The following KCNK2 variants were observed in gnomAD, a reference collection of about 807,000 sequenced individuals.
KCNK2 encodes the protein potassium two pore domain channel subfamily K member 2.
KCNK2 carries 21 observed loss-of-function variants against 40.5 expected under a neutral mutation model. The ratio of observed to expected loss-of-function variants is 0.52; its 90% CI spans 0.37 to 0.75. The LOEUF is 0.75. Ranked by LOEUF, KCNK2 falls within the 30% of genes least tolerant of loss-of-function variation. KCNK2 has a pLI of 0.00. For missense variants in KCNK2, 399 were observed against 531.6 expected (o/e 0.75, Z 2.45); for synonymous variants, 191 against 202.2 (o/e 0.94, Z 0.47).
intron 1 of KCNK2, among the ~76,000 whole-genome samples, chr1:215,016,852 T>C (rs1656605984): frequency 6.6e-6 from 1 of 152,022 alleles, no homozygotes; most frequent in Non-Finnish European, 1.5e-5. Context: ...CATTCACTAA[T>C]AAGGGGTTAA....
chr1:215,027,074 A>G (rs892725484), intron 1 of KCNK2, among the ~76,000 whole-genome samples: 1 of 151,996 alleles, frequency 6.6e-6, no homozygotes, highest in Admixed American at 6.6e-5. Flanking sequence ...GGAAAAATTT[A>G]TTAAGTCTGC....
chr1:215,067,947 C>G (rs1302370274), intron 1 of KCNK2, among the ~76,000 whole-genome samples: 1 of 152,036 alleles, frequency 6.6e-6, no homozygotes, highest in Non-Finnish European at 1.5e-5. Context: ...CAAAATACAA[C>G]TGGGAAATTC....
intron 3 of KCNK2, among the ~76,000 whole-genome samples, chr1:215,136,848 T>C (rs1410103066): frequency 6.6e-6 from 1 of 152,246 alleles, no homozygotes; most frequent in African/African-American, 2.4e-5. Context: ...CATAATCTTT[T>C]TGTAAACACG....
At chr1:215,174,807 A>C (rs1008589436) in intron 5 of KCNK2, among the ~76,000 whole-genome samples, 35 of 152,130 alleles carry the variant, frequency 2.3e-4, no homozygotes, top group Admixed American at 2.1e-3. Flanking sequence ...TGATTTTTGC[A>C]CATTGATTTT....
At chr1:215,168,899 T>C (rs550478638) in intron 3 of KCNK2, among the ~76,000 whole-genome samples, 1 of 152,108 alleles carries the variant, frequency 6.6e-6, no homozygotes, top group Non-Finnish European at 1.5e-5. Context: ...TTAATGAAAA[T>C]ATGATTTTGA....
At chr1:215,153,179 A>C (rs1349678393) in intron 3 of KCNK2, among the ~76,000 whole-genome samples, 1 of 152,176 alleles carries the variant, frequency 6.6e-6, no homozygotes, top group African/African-American at 2.4e-5. Flanking sequence ...GTGGAGGTGA[A>C]CTTGTTTGTA....
chr1:215,177,822 T>C (rs1289616696), intron 5 of KCNK2, among the ~76,000 whole-genome samples: 1 of 148,958 alleles, frequency 6.7e-6, no homozygotes, highest in African/African-American at 2.4e-5. Context: ...ATGTGATGTC[T>C]CCAGCTTTTT....
At chr1:215,134,642 C>G (rs553143447) in intron 3 of KCNK2, among the ~76,000 whole-genome samples, 1 of 152,186 alleles carries the variant, frequency 6.6e-6, no homozygotes, top group Admixed American at 6.5e-5. Flanking sequence ...AAGTTCCAAA[C>G]TTGTAGTCAT....
chr1:215,217,963 G>A (rs1205703958), intron 6 of KCNK2, among the ~76,000 whole-genome samples: 1 of 152,166 alleles, frequency 6.6e-6, no homozygotes, highest in Non-Finnish European at 1.5e-5. Flanking sequence ...TAGGAAACAT[G>A]ATGATAGACA....
chr1:215,097,039 A>G (rs1208613411), intron 2 of KCNK2, among the ~76,000 whole-genome samples: 2 of 151,898 alleles, frequency 1.3e-5, no homozygotes, highest in Admixed American at 1.3e-4. Context: ...TTCCACATGA[A>G]CAGCAAGCAG....
intron 2 of KCNK2, among the ~76,000 whole-genome samples, chr1:215,105,225 G>A (rs759166769): frequency 1.2e-4 from 18 of 152,206 alleles, no homozygotes; most frequent in Non-Finnish European, 2.4e-4. Context: ...TGAACAGCAA[G>A]TCTCCCTTTT....
At chr1:215,193,324 C>T (rs1485577418) in intron 5 of KCNK2, among the ~76,000 whole-genome samples, 1 of 152,160 alleles carries the variant, frequency 6.6e-6, no homozygotes, top group Non-Finnish European at 1.5e-5. Context: ...GCTGTTGGTC[C>T]TAAAATCCTT....
chr1:215,037,575 C>T (rs1412092307), intron 1 of KCNK2, among the ~76,000 whole-genome samples: 1 of 151,936 alleles, frequency 6.6e-6, no homozygotes, highest in Non-Finnish European at 1.5e-5. Flanking sequence ...ATTCCTTTCT[C>T]CACTATTTTC....
intron 6 of KCNK2, among the ~76,000 whole-genome samples, chr1:215,215,736 C>A (rs1326482287): frequency 6.6e-6 from 1 of 152,112 alleles, no homozygotes; most frequent in African/African-American, 2.4e-5. Context: ...TTTATCCTTA[C>A]ATTCAGAGGC....
intron 1 of KCNK2, among the ~76,000 whole-genome samples, chr1:215,029,390 A>ATT (rs35551944): frequency 6.0e-5 from 9 of 148,962 alleles, no homozygotes; most frequent in Non-Finnish European, 8.9e-5. Context: ...ATCTATTTGG[A>ATT]TTTTTTTTTC....
Position 215,010,864 on chromosome 1 carries a change from T to TGTG in KCNK2, c.34+4909_34+4910insGTG, listed in dbSNP as rs1553254943. 1.1e-3 allele frequency among the ~76,000 whole-genome samples: 157 copies of TGTG among 137,862 alleles called. 1 individual carries two copies. The highest frequency in any genetic ancestry group is 3.7e-3 in the Middle Eastern group (1 of 270). The allele number at this position is 137,862 out of a possible 152,430, so 90.4% of individuals were successfully genotyped here. On this transcript the variant is annotated intron_variant, in intron 1 of 6. Transcript: ENST00000391895. ...CACAGGACACAGATTTTTTTTTTTTTTTTTTGTGTGTGTGTGTGTGTGTGT... is the reference window on the plus strand; with the variant it reads ...CACAGGACACAGATTTTTTTTTTTTTGTGTTTTTGTGTGTGTGTGTGTGTGTGT...
At chr1:215,043,430 G>A (rs1657634822) in intron 1 of KCNK2, among the ~76,000 whole-genome samples, 1 of 152,202 alleles carries the variant, frequency 6.6e-6, no homozygotes, top group Non-Finnish European at 1.5e-5. Flanking sequence ...TAAACAAAAT[G>A]TGGTATATGC....
intron 2 of KCNK2, among the ~76,000 whole-genome samples, chr1:215,093,790 ATTATATAATAT>A (rs1159153175): frequency 5.1e-4 from 9 of 17,478 alleles, no homozygotes; most frequent in African/African-American, 6.5e-4. Context: ...TATATTATAT[ATTATATAATAT>A]AAAATATATT....
At chr1:215,087,747 C>T (rs958538085) in intron 2 of KCNK2, among the ~76,000 whole-genome samples, 1 of 152,126 alleles carries the variant, frequency 6.6e-6, no homozygotes, top group African/African-American at 2.4e-5. Flanking sequence ...GAATAGTGGA[C>T]TGAGGGGAAA....
Sources: allele counts gnomAD v4.1 joint callset (sites outside exome capture counted in the v4.1 genomes callset), GRCh38; gene constraint gnomAD v4.1.1; transcripts MANE v1.5; gene names NCBI Gene and HGNC (gene_info 2026-07-23, HGNC 2026-07-21).